Variants in SOX5 observed in about 807,000 individuals in gnomAD.
The protein encoded by SOX5 is transcription factor SOX-5.
A neutral mutation model predicts 92.0 loss-of-function variants in SOX5; 9 were observed. The observed-to-expected ratio is 0.10, with a 90% CI of 0.06 to 0.17. The LOEUF is 0.17. Among genes scored for constraint, SOX5 ranks in the 10% least tolerant of loss-of-function variants. The pLI, the probability that SOX5 is intolerant of heterozygous loss-of-function variation, is 1.00. For synonymous variants in SOX5, 344 were observed against 336.3 expected, an observed-to-expected ratio of 1.02 and a Z score of -0.25; for missense variants, 642 against 944.5, an observed-to-expected ratio of 0.68 and a Z score of 4.20.
At chr12:24,339,201 A>ACACACC (rs897514062) in intron 2 of SOX5, among the ~76,000 whole-genome samples, 1 of 151,580 alleles carries the variant, frequency 6.6e-6, no homozygotes, top group Admixed American at 6.6e-5. Flanking sequence ...ACACACACAC[A>ACACACC]CAGAGTTACT....
chr12:24,060,765 T>C (rs996267727), intron 4 of SOX5, among the ~76,000 whole-genome samples: 4 of 152,208 alleles, frequency 2.6e-5, no homozygotes, highest in Non-Finnish European at 5.9e-5. Context: ...AAAGAAACTC[T>C]AGCTTTTTAA....
intron 8 of SOX5, among the ~76,000 whole-genome samples, chr12:23,613,071 T>A (rs2076153423): frequency 6.6e-6 from 1 of 152,084 alleles, no homozygotes; most frequent in South Asian, 2.1e-4. Context: ...CCTAACACTG[T>A]CAGCATTTCT....
At chr12:24,261,694 T>A (rs1942116875) in intron 3 of SOX5, among the ~76,000 whole-genome samples, 1 of 152,242 alleles carries the variant, frequency 6.6e-6, no homozygotes, top group African/African-American at 2.4e-5. Flanking sequence ...TTAATATTTC[T>A]GAGCCAAACT....
At chr12:24,254,714 C>T (rs944212497) in intron 3 of SOX5, among the ~76,000 whole-genome samples, 2 of 24,340 alleles carry the variant, frequency 8.2e-5, no homozygotes, top group African/African-American at 1.6e-4. Context: ...CTTTGGGCTG[C>T]TCAAATATAT....
chr12:23,587,684 T>C (rs1950942000), intron 9 of SOX5, among the ~76,000 whole-genome samples: 1 of 152,098 alleles, frequency 6.6e-6, no homozygotes, highest in Admixed American at 6.6e-5. Flanking sequence ...AAAATTTATA[T>C]CAAAAGAATA....
At chr12:23,853,139 T>TAC (rs933799910) in intron 2 of SOX5, among the ~76,000 whole-genome samples, 2 of 149,778 alleles carry the variant, frequency 1.3e-5, no homozygotes, top group Non-Finnish European at 3.0e-5. Flanking sequence ...TATATATATA[T>TAC]ACACACACAT....
intron 4 of SOX5, among the ~76,000 whole-genome samples, chr12:24,006,931 C>G (rs910165985): frequency 3.3e-5 from 5 of 151,266 alleles, no homozygotes; most frequent in Admixed American, 6.6e-5. Flanking sequence ...GTCAGGAATT[C>G]GAGACCAGCC....
In SOX5 at chr12:24,446,313, C is replaced by T. The variant is rs79239850; in HGVS notation, c.-250-77674G>A. Among the ~76,000 whole-genome samples the T allele has an allele frequency of 4.6e-3, 704 of 152,120 alleles. 11 individuals carry two copies. The East Asian group carries it at 0.051, about 11-fold the overall frequency. On this transcript the variant is annotated intron_variant, in intron 1 of 4. Transcript: ENST00000446891. ...CCCTAGATTGGGTGGCAAAAAAATG[C>T]CTCCTGACAAGCTGTTATTTGAGCT...
intron 9 of SOX5, chr12:23,584,588 G>A (rs1304870599): frequency 1.2e-6 from 2 of 1,609,798 alleles, no homozygotes; most frequent in East Asian, 2.2e-5. Context: ...CAACAGTCTG[G>A]TGAACCCACT....
chr12:24,077,352 C>T (rs1942754473), intron 4 of SOX5, among the ~76,000 whole-genome samples: 1 of 152,134 alleles, frequency 6.6e-6, no homozygotes, highest in Non-Finnish European at 1.5e-5. Flanking sequence ...CCTTTGGAGA[C>T]TGGCGCACAA....
At chr12:23,595,646 A>T (rs915734864) in intron 9 of SOX5, among the ~76,000 whole-genome samples, 4 of 143,074 alleles carry the variant, frequency 2.8e-5, no homozygotes, top group East Asian at 2.1e-4. Context: ...AAAAAAAAAA[A>T]TGTGACCGAA....
intron 1 of SOX5, among the ~76,000 whole-genome samples, chr12:24,482,447 C>T (rs971844934): frequency 7.9e-5 from 12 of 152,246 alleles, no homozygotes; most frequent in East Asian, 5.8e-4. Context: ...CCAGAAATGG[C>T]GTTTTCCCCA....
At position 24,017,574 on chromosome 12, in the gene SOX5, T is replaced by A. The variant is rs376339560; in HGVS notation, c.-1-121550A>T. Among the ~76,000 whole-genome samples, 434 of 152,166 alleles carry A rather than the reference T, an allele frequency of 2.9e-3. 13 individuals carry two copies. In the South Asian group the frequency reaches 0.063, roughly 22 times the overall value. On this transcript the variant is annotated intron_variant, in intron 4 of 4. Coordinates refer to the SOX5 transcript ENST00000446891. ...AAGATCGCGCCCCTGCACTCCAGCCTGGGTGACAGAGTGAGACTCTATCTC... is the reference window on the plus strand; with the variant it reads ...AAGATCGCGCCCCTGCACTCCAGCCAGGGTGACAGAGTGAGACTCTATCTC...
chr12:23,624,153 A>C (rs549278402), intron 8 of SOX5, among the ~76,000 whole-genome samples: 12 of 152,130 alleles, frequency 7.9e-5, no homozygotes, highest in South Asian at 2.1e-4. Context: ...ATAGAGAGTG[A>C]AGGTAGAATG....
chr12:24,157,229 TTTGA>T (rs1305138170), intron 4 of SOX5, among the ~76,000 whole-genome samples: 7 of 152,256 alleles, frequency 4.6e-5, no homozygotes, highest in South Asian at 2.1e-4. Flanking sequence ...TGTATAAATA[TTTGA>T]TTAAGTAAAT....
rs1163938652 is a variant in SOX5 at position 23,578,117 on chromosome 12, C to CAAAAAAAAAAAAAAAAAAAAAAA, written c.1165-2302_1165-2280dup. 7.5e-4 allele frequency among the ~76,000 whole-genome samples: 26 copies of CAAAAAAAAAAAAAAAAAAAAAAA among 34,896 alleles called. 4 individuals carry two copies. The highest frequency in any genetic ancestry group is 9.3e-4 in the Non-Finnish European group (19 of 20,466). 22.9% of individuals were successfully genotyped at this position (34,896 alleles called of 152,430 possible). ...CCTGCGCAACAGAGTGAGACTGTGT[C>CAAAAAAAAAAAAAAAAAAAAAAA]AAAAAAAAAAAAAAAAAAAAAAAAA... On this transcript the variant is annotated intron_variant, in intron 9 of 14. Transcript: ENST00000451604.
chr12:24,309,628 G>T (rs1595446024), intron 2 of SOX5, among the ~76,000 whole-genome samples: 1 of 152,098 alleles, frequency 6.6e-6, no homozygotes, highest in African/African-American at 2.4e-5. Flanking sequence ...GTTTCACAAG[G>T]ACACCTGTGA....
chr12:24,186,210 A>T (rs1380837744), intron 4 of SOX5, among the ~76,000 whole-genome samples: 2 of 152,174 alleles, frequency 1.3e-5, no homozygotes, highest in African/African-American at 2.4e-5. Flanking sequence ...GAAGGACATC[A>T]AGGTAGCAAA....
intron 2 of SOX5, among the ~76,000 whole-genome samples, chr12:24,358,188 A>G (rs1955097777): frequency 6.6e-6 from 1 of 152,254 alleles, no homozygotes; most frequent in Non-Finnish European, 1.5e-5. Context: ...AATCACCAAT[A>G]AAACAGATGG....
Sources: gnomAD v4.1 joint callset for allele counts (sites outside exome capture counted in the v4.1 genomes callset) on GRCh38, gnomAD v4.1.1 for gene constraint, MANE v1.5 for transcripts, NCBI Gene and HGNC (gene_info 2026-07-23, HGNC 2026-07-21) for gene names.